Variants in GRID1 observed in about 807,000 individuals in gnomAD.
GRID1 encodes glutamate ionotropic receptor delta type subunit 1.
GRID1 carries 28 observed loss-of-function variants against 98.0 expected under a neutral mutation model. The observed-to-expected ratio is 0.29, with a 90% CI of 0.21 to 0.39. The LOEUF is 0.39. Among genes scored for constraint, GRID1 ranks in the 10% least tolerant of loss-of-function variants. The pLI is 1.00. For synonymous variants in GRID1, 553 were observed against 538.5 expected (o/e 1.03, Z -0.37); for missense variants, 1,111 against 1,340.5 (o/e 0.83, Z 2.67).
At chr10:85,781,776 A>T (rs941663434) in intron 8 of GRID1, among the ~76,000 whole-genome samples, 2 of 151,990 alleles carry the variant, frequency 1.3e-5, no homozygotes, top group East Asian at 3.9e-4. Context: ...TCAATTTCCA[A>T]TGAAGAAAGA....
At chr10:86,305,246 C>A (rs142280059) in intron 2 of GRID1, among the ~76,000 whole-genome samples, 1 of 152,296 alleles carries the variant, frequency 6.6e-6, no homozygotes, top group Non-Finnish European at 1.5e-5. Context: ...AGAGCCTACA[C>A]TCATGTAAGC....
At chr10:86,358,020 A>G (rs1848555947) in intron 2 of GRID1, among the ~76,000 whole-genome samples, 2 of 152,184 alleles carry the variant, frequency 1.3e-5, no homozygotes, top group African/African-American at 4.8e-5. Context: ...ACCAACTTAC[A>G]GTCTGACTAT....
chr10:86,167,890 G>T (rs1845423563), intron 3 of GRID1, among the ~76,000 whole-genome samples: 1 of 152,116 alleles, frequency 6.6e-6, no homozygotes, highest in Non-Finnish European at 1.5e-5. Flanking sequence ...GAGGCCCAGA[G>T]GCAAGCAGTT....
chr10:86,182,273 C>T (rs1486108995), intron 3 of GRID1, among the ~76,000 whole-genome samples: 3 of 152,234 alleles, frequency 2.0e-5, no homozygotes, highest in Non-Finnish European at 4.4e-5. Flanking sequence ...ATACCTCTCT[C>T]CCGGCCCCAA....
At chr10:85,936,294 C>G (rs1288130344) in intron 4 of GRID1, among the ~76,000 whole-genome samples, 1 of 152,238 alleles carries the variant, frequency 6.6e-6, no homozygotes, top group Non-Finnish European at 1.5e-5. Flanking sequence ...AAGCTCTAAG[C>G]CTGGATGATA....
At position 86,283,889 on chromosome 10, in the gene GRID1, C is replaced by T. The variant is rs115513749; in HGVS notation, c.236-77241G>A. On this transcript the variant is annotated intron_variant, in intron 2 of 15. Coordinates refer to ENST00000327946, the MANE Select transcript of GRID1 (RefSeq NM_017551.3). The stretch of plus-strand genomic sequence containing the variant: ...ACACATCTGCACATACACACCTGCC[C>T]TCACACACCTGTATATACACACCTG... Among the ~76,000 whole-genome samples, 470 of 151,890 alleles carry T rather than the reference C, an allele frequency of 3.1e-3. 1 individual carries two copies. Among genetic ancestry groups the T allele is most frequent in the African/African-American group, 0.011 (451 of 41,384 alleles).
intron 12 of GRID1, among the ~76,000 whole-genome samples, chr10:85,705,918 ATGCT>A (rs1841511196): frequency 2.0e-5 from 3 of 152,224 alleles, no homozygotes; most frequent in African/African-American, 7.2e-5. Context: ...ACAGCATTTC[ATGCT>A]AAAAACTCTC....
At chr10:85,892,446 A>T (rs1841216647) in intron 5 of GRID1, among the ~76,000 whole-genome samples, 1 of 151,916 alleles carries the variant, frequency 6.6e-6, no homozygotes, top group South Asian at 2.1e-4. Context: ...AGCAGCTAGA[A>T]GAAGAAGATC....
chr10:85,675,589 T>C (rs755022967), intron 12 of GRID1, among the ~76,000 whole-genome samples: 39 of 152,214 alleles, frequency 2.6e-4, no homozygotes, highest in Non-Finnish European at 4.0e-4. Context: ...TTAAAATGTG[T>C]TCATGTGGTG....
chr10:85,887,235 A>G (rs1441290517), intron 5 of GRID1, among the ~76,000 whole-genome samples: 1 of 152,208 alleles, frequency 6.6e-6, no homozygotes, highest in Non-Finnish European at 1.5e-5. Context: ...GGAGATCAGG[A>G]CATCCTGAGT....
Position 85,647,201 on chromosome 10 carries a change from C to A in GRID1, c.2193+1G>T. 1 of 1,613,860 alleles carries A rather than the reference C, an allele frequency of 6.2e-7. No individual in the cohort carries two copies. Among genetic ancestry groups the A allele is most frequent in the Non-Finnish European group, 8.5e-7 (1 of 1,179,704 alleles). On this transcript the variant is annotated splice_donor_variant, in intron 13 of 15. Transcript: ENST00000327946. LOFTEE classifies it high-confidence loss of function. ...GTGCCCAAGCGCCAGCTCCTGCCTA[C>A]CTTCCTGATGCCTTCTGAAGGACTG...
At chr10:85,784,882 C>G (rs1554831090) in intron 8 of GRID1, among the ~76,000 whole-genome samples, 1 of 151,716 alleles carries the variant, frequency 6.6e-6, no homozygotes, top group Admixed American at 6.6e-5. Context: ...CCTTTTTTTT[C>G]TCTGAGCACA....
At chr10:85,978,312 C>T (rs1055434975) in intron 4 of GRID1, among the ~76,000 whole-genome samples, 1 of 152,158 alleles carries the variant, frequency 6.6e-6, no homozygotes, top group Admixed American at 6.5e-5. Flanking sequence ...ATATGTTGCC[C>T]AAGCCGAAAA....
chr10:85,602,302 GAGCCTCTGGAAGGA>G lies in GRID1; in HGVS notation c.2987_3000del (p.Val996AlafsTer60). 1 of 1,538,480 alleles carries G rather than the reference GAGCCTCTGGAAGGA, an allele frequency of 6.5e-7. No homozygotes were observed. Among genetic ancestry groups the G allele is most frequent in the Non-Finnish European group, 8.8e-7 (1 of 1,141,952 alleles). ...ATGGAGGTCCCGTGGGAGGTGTCCAGAGCCTCTGGAAGGACGCCTCCAGGCACGGGCTGGAAGGA... is the reference window on the plus strand; with the variant it reads ...ATGGAGGTCCCGTGGGAGGTGTCCAGCGCCTCCAGGCACGGGCTGGAAGGA... On this transcript the variant is annotated frameshift_variant, in exon 16 of 16. Coordinates refer to ENST00000327946, the MANE Select transcript of GRID1 (RefSeq NM_017551.3). LOFTEE classifies it high-confidence loss of function.
chr10:86,212,194 C>T (rs191026870), intron 2 of GRID1, among the ~76,000 whole-genome samples: 2 of 152,320 alleles, frequency 1.3e-5, no homozygotes, highest in African/African-American at 4.8e-5. Flanking sequence ...CCTGGTGCCA[C>T]CCCCCAGTCA....
At chr10:85,889,417 G>A (rs759262684) in intron 5 of GRID1, among the ~76,000 whole-genome samples, 1 of 152,000 alleles carries the variant, frequency 6.6e-6, no homozygotes, top group Non-Finnish European at 1.5e-5. Context: ...GATTCCACTT[G>A]AGTGAGATTA....
At chr10:86,303,589 T>C (rs1219326375) in intron 2 of GRID1, among the ~76,000 whole-genome samples, 2 of 152,226 alleles carry the variant, frequency 1.3e-5, no homozygotes, top group African/African-American at 2.4e-5. Context: ...TGCCATTCCA[T>C]GAGGTGGTCT....
At chr10:85,868,380 T>A (rs1245714604) in intron 6 of GRID1, among the ~76,000 whole-genome samples, 1 of 152,154 alleles carries the variant, frequency 6.6e-6, no homozygotes. Context: ...TAGCTCTCCA[T>A]CGTATTCCAA....
rs201279288 is a variant in GRID1, at chr10:85,868,994, G to A, written c.951+16C>T. The A allele has an allele frequency of 5.4e-4, 872 of 1,610,284 alleles. 1 individual carries two copies. The highest frequency in any genetic ancestry group is 7.0e-4 in the Non-Finnish European group (830 of 1,177,582). ...TCTTGGTGGAGGGGACTGGAGAGAA[G>A]AGGCTGAGCACTGACCTGCAGCATC... On this transcript the variant is annotated intron_variant, in intron 6 of 15. Transcript: ENST00000327946.
Sources: gnomAD v4.1 joint callset for allele counts (sites outside exome capture counted in the v4.1 genomes callset) on GRCh38, gnomAD v4.1.1 for gene constraint, MANE v1.5 for transcripts, NCBI Gene and HGNC (gene_info 2026-07-23, HGNC 2026-07-21) for gene names.